The following SULF1 variants were observed in gnomAD, a reference collection of about 807,000 sequenced individuals.
The protein encoded by SULF1 is extracellular sulfatase Sulf-1.
A neutral mutation model predicts 110.5 loss-of-function variants in SULF1; 46 were observed. The observed-to-expected ratio is 0.42, with a 90% CI of 0.33 to 0.53. The LOEUF is 0.53. Among genes scored for constraint, SULF1 ranks in the 20% least tolerant of loss-of-function variants. The probability of loss-of-function intolerance (pLI) is 0.12; values close to 1 mark genes in which losing one functional copy is unlikely to be tolerated. For missense variants in SULF1, 941 were observed against 1,094.2 expected, an observed-to-expected ratio of 0.86 and a Z score of 1.98; for synonymous variants, 371 against 387.1, an observed-to-expected ratio of 0.96 and a Z score of 0.49.
At chr8:69,554,227 A>G (rs1032619215) in intron 3 of SULF1, among the ~76,000 whole-genome samples, 2 of 152,202 alleles carry the variant, frequency 1.3e-5, no homozygotes, top group African/African-American at 4.8e-5. Flanking sequence ...GAAGTGGAAC[A>G]CCCCTGGGTG....
intron 22 of SULF1, chr8:69,642,400 T>C (rs1811549878): frequency 1.0e-6 from 1 of 986,990 alleles, no homozygotes; most frequent in Admixed American, 6.2e-5. Flanking sequence ...TATAGCCATG[T>C]ATGTATGTCT....
chr8:69,576,657 G>A (rs1453926985), intron 6 of SULF1, among the ~76,000 whole-genome samples: 1 of 152,196 alleles, frequency 6.6e-6, no homozygotes, highest in African/African-American at 2.4e-5. Context: ...GAGGGGTAGT[G>A]AACATCATGC....
At position 69,658,954 on chromosome 8, in the gene SULF1, G is replaced by C; in HGVS notation, c.*419G>C. ...TCCAGAAGTTAATCATTTGAATTCT[G>C]AACACTGGAGAAAAACCGAAAAATG... On this transcript the variant is annotated 3_prime_UTR_variant, in exon 23 of 23. Transcript: ENST00000402687. 2.2e-6 allele frequency: 1 copy of C among 459,372 alleles called. No homozygotes were observed. The highest frequency in any genetic ancestry group is 4.4e-6 in the Non-Finnish European group (1 of 228,682). 28.5% of individuals were successfully genotyped at this position (459,372 alleles called of 1,614,324 possible). A position where few individuals can be genotyped will look rare whatever the true frequency, so the allele number is the denominator to read the frequency against.
intron 3 of SULF1, among the ~76,000 whole-genome samples, chr8:69,550,630 G>A (rs1319174702): frequency 3.9e-5 from 6 of 152,118 alleles, no homozygotes; most frequent in South Asian, 2.1e-4. Context: ...GAACCCTTTC[G>A]GTTGTGCCCA....
At chr8:69,520,989 C>A (rs77750009) in intron 3 of SULF1, among the ~76,000 whole-genome samples, 302 of 152,230 alleles carry the variant, frequency 2.0e-3, no homozygotes, top group African/African-American at 6.9e-3. Context: ...CACAGCAACA[C>A]TTTCTTTCAG....
Position 69,586,463 on chromosome 8 carries a change from T to C in SULF1, c.519T>C (p.Val173=), listed in dbSNP as rs1489057846. 1 of 1,612,256 alleles carries C rather than the reference T, an allele frequency of 6.2e-7. No individual in the cohort carries two copies. Among genetic ancestry groups the C allele is most frequent in the Non-Finnish European group, 8.5e-7 (1 of 1,179,584 alleles). The change falls in exon 7 of 23, where the codon GTT becomes GTC. Residue 173 remains valine (V), a synonymous_variant. Coordinates refer to ENST00000402687, the MANE Select transcript of SULF1 (RefSeq NM_001128205.2). ...IKNSRFYNYT[V]CRNGIKEKHG... Reference sequence around the variant, plus strand: ...ATTCTCGCTTCTATAATTACACTGTTTGTCGCAATGGCATCAAAGAAAAGC... The same window carrying C: ...ATTCTCGCTTCTATAATTACACTGTCTGTCGCAATGGCATCAAAGAAAAGC...
intron 13 of SULF1, among the ~76,000 whole-genome samples, chr8:69,612,684 C>G (rs547258419): frequency 1.3e-5 from 2 of 152,194 alleles, no homozygotes; most frequent in African/African-American, 4.8e-5. Context: ...CTTTACCCTA[C>G]ATTTTGATAG....
chr8:69,573,478 G>C (rs1292073724), intron 5 of SULF1, among the ~76,000 whole-genome samples: 1 of 152,158 alleles, frequency 6.6e-6, no homozygotes, highest in African/African-American at 2.4e-5. Context: ...TCAGAACCTT[G>C]GATGATGGCC....
chr8:69,594,877 A>G (rs1368244443), intron 8 of SULF1, among the ~76,000 whole-genome samples: 2 of 152,164 alleles, frequency 1.3e-5, no homozygotes, highest in East Asian at 1.9e-4. Flanking sequence ...GCATTCAGAT[A>G]AAATATCATG....
chr8:69,507,967 G>A (rs1271235629), intron 3 of SULF1, among the ~76,000 whole-genome samples: 4 of 152,186 alleles, frequency 2.6e-5, no homozygotes, highest in South Asian at 2.1e-4. Flanking sequence ...GCTTTGGATC[G>A]TGGCCATCAG....
intron 3 of SULF1, among the ~76,000 whole-genome samples, chr8:69,548,857 T>C (rs1003268467): frequency 2.0e-5 from 3 of 152,042 alleles, no homozygotes; most frequent in Non-Finnish European, 4.4e-5. Flanking sequence ...AGGAAATGTA[T>C]AATTAATGTT....
At chr8:69,543,888 G>A in intron 3 of SULF1, among the ~76,000 whole-genome samples, 1 of 152,172 alleles carries the variant, frequency 6.6e-6, no homozygotes, top group East Asian at 1.9e-4. Flanking sequence ...GGGCAGTTCT[G>A]GGATGGCCAG....
intron 14 of SULF1, among the ~76,000 whole-genome samples, chr8:69,622,423 A>T (rs761732845): frequency 1.3e-5 from 2 of 152,132 alleles, no homozygotes; most frequent in African/African-American, 2.4e-5. Flanking sequence ...TACTAAAATT[A>T]CAAAAAAAAT....
At position 69,586,338 on chromosome 8, in the gene SULF1, T is replaced by C. The variant is rs763113880; in HGVS notation, c.413-19T>C. On this transcript the variant is annotated intron_variant, in intron 6 of 22. Transcript: ENST00000402687. Reference sequence around the variant, plus strand: ...TAATCATTTTACGTGAAAAAAATAATTCTTTTTTCCCACTGCAGCCTTTTT... The same window carrying C: ...TAATCATTTTACGTGAAAAAAATAACTCTTTTTTCCCACTGCAGCCTTTTT... The C allele has an allele frequency of 2.2e-5, 34 of 1,546,754 alleles. No homozygotes were observed. The highest frequency in any genetic ancestry group is 3.4e-4 in the Middle Eastern group (2 of 5,874).
chr8:69,560,941 G>A (rs549267171), intron 3 of SULF1, among the ~76,000 whole-genome samples: 12 of 152,270 alleles, frequency 7.9e-5, no homozygotes, highest in South Asian at 4.2e-4. Flanking sequence ...AATGTATATC[G>A]TTGTAGGTAT....
At chr8:69,576,316 G>GGAT (rs1289088245) in intron 6 of SULF1, 107 bp downstream of exon 6, 13 of 1,355,226 alleles carry the variant, frequency 9.6e-6, no homozygotes, top group Non-Finnish European at 1.3e-5. Flanking sequence ...ACCTAAAAAA[G>GGAT]GATCAAGTGT....
intron 3 of SULF1, among the ~76,000 whole-genome samples, chr8:69,561,042 A>G (rs565903448): frequency 4.6e-5 from 7 of 152,222 alleles, no homozygotes; most frequent in Non-Finnish European, 8.8e-5. Context: ...AACATTAAAG[A>G]TCTGTTGCCC....
exon 23 of SULF1, chr8:69,660,909 CT>C (rs1813056094): frequency 6.6e-6 from 1 of 152,566 alleles, no homozygotes; most frequent in Non-Finnish European, 1.5e-5. Flanking sequence ...GGTGTTTAAA[CT>C]TTTTTCTGTT....
rs764487180 is a variant in SULF1, at chr8:69,629,576, G to A, written c.2181G>A (p.Arg727=). 1.2e-6 allele frequency: 2 copies of A among 1,614,074 alleles called. No individual in the cohort carries two copies. Among genetic ancestry groups the A allele is most frequent in the Non-Finnish European group, 1.7e-6 (2 of 1,179,968 alleles). The stretch of plus-strand genomic sequence containing the variant: ...ACAACCGTAGGAGGAAGAAGGAGAG[G>A]AAGGAGAAGAGACGGCAGAGGAAGG... The part of the protein sequence containing the change: ...KENNRRRKKE[R]KEKRRQRKGE... Residue 727 remains arginine, a synonymous_variant, in exon 19 of 23, where the codon AGG becomes AGA. Transcript: ENST00000402687.
Sources: gnomAD v4.1 joint callset for allele counts (sites outside exome capture counted in the v4.1 genomes callset) on GRCh38, gnomAD v4.1.1 for gene constraint, MANE v1.5 for transcripts, NCBI Gene and HGNC (gene_info 2026-07-23, HGNC 2026-07-21) for gene names.